The following FN3KRP variants were observed in gnomAD, a reference collection of about 807,000 sequenced individuals.
The protein encoded by FN3KRP is ketosamine-3-kinase.
In FN3KRP, 33 loss-of-function variants were observed where a neutral mutation model predicts 29.8. The ratio of observed to expected loss-of-function variants is 1.11; its 90% CI spans 0.84 to 1.48. The LOEUF is 1.48. Among genes scored for constraint, FN3KRP ranks in the 40% most tolerant of loss-of-function variants. The probability of loss-of-function intolerance (pLI) is 0.00; values close to 1 mark genes in which losing one functional copy is unlikely to be tolerated. For synonymous variants in FN3KRP, 157 were observed against 155.2 expected (o/e 1.01, Z -0.09); for missense variants, 430 against 402.6 (o/e 1.07, Z -0.58).
At position 82,726,878 on chromosome 17, in the gene FN3KRP, T is replaced by G; in HGVS notation, c.637T>G (p.Leu213Val). 1 of 1,577,936 alleles carries G rather than the reference T, an allele frequency of 6.3e-7. No individual in the cohort carries two copies. Among genetic ancestry groups the G allele is most frequent in the Non-Finnish European group, 8.6e-7 (1 of 1,162,262 alleles). The change falls in exon 6 of 6, where the codon TTA (leucine) becomes GTA (valine). Residue 213 changes from leucine to valine, a missense_variant. Coordinates refer to ENST00000269373, the MANE Select transcript of FN3KRP (RefSeq NM_024619.4). ...CCGTGACCTGGAGATCATCCCAGCCTTACTCCACGGGGACCTCTGGGGTGG... is the reference window on the plus strand; with the variant it reads ...CCGTGACCTGGAGATCATCCCAGCCGTACTCCACGGGGACCTCTGGGGTGG... ...LFRDLEIIPA[L>V]LHGDLWGGNV... is the part of the protein sequence containing the mutation.
chr17:82,726,946 A>C lies in FN3KRP; in HGVS notation c.705A>C (p.Pro235=), dbSNP rs1312814139. Residue 235 remains proline, a synonymous_variant, in exon 6 of 6, where the codon CCA becomes CCC. Transcript: ENST00000269373. ...CCTCTGGGCCGGTGATTTTTGACCC[A>C]GCTTCTTTCTACGGCCACTCGGAAT... ...EDSSGPVIFD[P]ASFYGHSEYE... is the part of the protein sequence containing the mutation. 7.4e-6 allele frequency: 12 copies of C among 1,613,168 alleles called. No individual in the cohort carries two copies. The East Asian group carries it at 2.7e-4, about 36-fold the overall frequency.
At chr17:82,718,025 G>A (rs2046771056) in intron 1 of FN3KRP, among the ~76,000 whole-genome samples, 2 of 151,324 alleles carry the variant, frequency 1.3e-5, no homozygotes. Flanking sequence ...AAGAAAGGCC[G>A]CTGGCCCTGA....
rs768478911 is a variant in FN3KRP, at chr17:82,716,747, G to A, written c.-9G>A. Reference sequence around the variant, plus strand: ...AGATCCGGGGCGGGTCCGCGGCCGCGGCGGGAACATGGAGGAGCTCCTGAG... The same window carrying A: ...AGATCCGGGGCGGGTCCGCGGCCGCAGCGGGAACATGGAGGAGCTCCTGAG... On this transcript the variant is annotated 5_prime_UTR_variant, in exon 1 of 6. Transcript: ENST00000269373. The A allele has an allele frequency of 6.7e-7, 1 of 1,487,434 alleles. No individual in the cohort carries two copies. Among genetic ancestry groups the A allele is most frequent in the Non-Finnish European group, 8.9e-7 (1 of 1,124,890 alleles). The allele number at this position is 1,487,434 out of a possible 1,614,324, so 92.1% of individuals were successfully genotyped here. A position where few individuals can be genotyped will look rare whatever the true frequency, so the allele number is the denominator to read the frequency against.
rs1296886696 is a variant in FN3KRP at position 82,722,811 on chromosome 17, A to C, written c.393A>C (p.Gly131=). 4.3e-6 allele frequency: 7 copies of C among 1,613,642 alleles called. No homozygotes were observed. Among genetic ancestry groups the C allele is most frequent in the Non-Finnish European group, 5.9e-6 (7 of 1,179,962 alleles). ...TTTACTTTTGCTTGCAAGGGAGAGG[A>C]GGTGGGCAGGAGGAACGGCCCTTTG... ...RLKEAGTVGR[G]GGQEERPFVA... Residue 131 remains glycine, a synonymous_variant, in exon 4 of 6, where the codon GGA becomes GGC. Coordinates refer to ENST00000269373, the MANE Select transcript of FN3KRP (RefSeq NM_024619.4).
chr17:82,719,200 T>A, intron 2 of FN3KRP, 143 bp downstream of exon 2: 1 of 741,812 alleles, frequency 1.3e-6, no homozygotes, highest in Non-Finnish European at 2.2e-6. Context: ...ACCCCCCAGC[T>A]GGCTTCATGC....
intron 4 of FN3KRP, among the ~76,000 whole-genome samples, chr17:82,723,460 G>A (rs1022275760): frequency 1.3e-5 from 2 of 152,112 alleles, no homozygotes; most frequent in African/African-American, 2.4e-5. Flanking sequence ...GGGGGTTTTC[G>A]CCAGCTCCGC....
At position 82,727,493 on chromosome 17, in the gene FN3KRP, C is replaced by T. The variant is rs535519039; in HGVS notation, c.*322C>T. 1.4e-4 allele frequency: 36 copies of T among 252,670 alleles called. No homozygotes were observed. The highest frequency in any genetic ancestry group is 2.4e-4 in the East Asian group (3 of 12,454). 15.7% of individuals were successfully genotyped at this position (252,670 alleles called of 1,614,324 possible). On this transcript the variant is annotated 3_prime_UTR_variant, in exon 6 of 6. Coordinates refer to ENST00000269373, the MANE Select transcript of FN3KRP (RefSeq NM_024619.4). Reference sequence around the variant, plus strand: ...CCCTGTGGGTGCGGGGGAGGGTATCCGGTGCGCAGGGAGGTGGCCAGCGCC... The same window carrying T: ...CCCTGTGGGTGCGGGGGAGGGTATCTGGTGCGCAGGGAGGTGGCCAGCGCC...
chr17:82,726,814 T>G lies in FN3KRP; in HGVS notation c.592-19T>G. The G allele has an allele frequency of 6.6e-7, 1 of 1,522,970 alleles. No homozygotes were observed. Among genetic ancestry groups the G allele is most frequent in the Non-Finnish European group, 8.8e-7 (1 of 1,137,526 alleles). The allele number at this position is 1,522,970 out of a possible 1,614,324, so 94.3% of individuals were successfully genotyped here. On this transcript the variant is annotated intron_variant, in intron 5 of 5. Transcript: ENST00000269373. ...CACGCGTTGATCAATTTGCTGAGGC[T>G]CCATTTTCCTCCCTGCAGTTAAAGA... is the stretch of plus-strand genomic sequence containing the variant.
rs1465376215 is a variant in FN3KRP at position 82,722,966 on chromosome 17, C to G, written c.468+80C>G. On this transcript the variant is annotated intron_variant, in intron 4 of 5. Coordinates refer to ENST00000269373, the MANE Select transcript of FN3KRP (RefSeq NM_024619.4). ...CGGGTTGGGGGGACACACCCCCCTC[C>G]TTTTTTTGTGAGCTTCAGTAAAAGT... is the stretch of plus-strand genomic sequence containing the variant. The G allele has an allele frequency of 2.4e-6, 3 of 1,264,026 alleles. No individual in the cohort carries two copies. In the Admixed American group the frequency reaches 6.7e-5, roughly 28 times the overall value. The allele number at this position is 1,264,026 out of a possible 1,614,324, so 78.3% of individuals were successfully genotyped here.
chr17:82,717,143 C>G (rs929932102), intron 1 of FN3KRP, among the ~76,000 whole-genome samples: 1 of 152,072 alleles, frequency 6.6e-6, no homozygotes, highest in African/African-American at 2.4e-5. Context: ...GAACCGCGGC[C>G]GCCCCACACC....
Position 82,719,058 on chromosome 17 carries a change from G to A in FN3KRP, c.293+1G>A. The A allele has an allele frequency of 6.4e-7, 1 of 1,569,336 alleles. No individual in the cohort carries two copies. The highest frequency in any genetic ancestry group is 8.6e-7 in the Non-Finnish European group (1 of 1,163,628). On this transcript the variant is annotated splice_donor_variant, in intron 2 of 5. Transcript: ENST00000269373. LOFTEE classifies it high-confidence loss of function. ...ACATGGACATGAGGCATCTGAGCAG[G>A]TGCATCTTCACACCACCCCCCACCT...
intron 3 of FN3KRP, chr17:82,720,915 T>A (rs2046794119): frequency 6.5e-6 from 1 of 152,870 alleles, no homozygotes. Context: ...AGACATGCTG[T>A]TAGTCTGTTC....
At chr17:82,726,367 C>G in intron 4 of FN3KRP, 113 bp from the exon 5 acceptor site, 1 of 1,375,196 alleles carries the variant, frequency 7.3e-7, no homozygotes. Context: ...ACTGCCACCC[C>G]TCCCACGTGC....
chr17:82,727,910 TC>T lies in FN3KRP; in HGVS notation c.*741del. 1 of 152,318 alleles carries T rather than the reference TC, an allele frequency of 6.6e-6. No homozygotes were observed. 9.4% of individuals were successfully genotyped at this position (152,318 alleles called of 1,614,324 possible). ...AAAATACATGCTGAACTCATATTTT[TC>T]CTTCCTTCACTGTTGTAGTAAAGAG... On this transcript the variant is annotated 3_prime_UTR_variant, in exon 6 of 6. Transcript: ENST00000269373.
chr17:82,718,578 C>T (rs2046776170), intron 1 of FN3KRP: 1 of 1,081,478 alleles, frequency 9.2e-7, no homozygotes, highest in South Asian at 3.0e-5. Context: ...ACAGGTAACC[C>T]ATGTTCACAG....
At chr17:82,725,209 C>G (rs1239768082) in intron 4 of FN3KRP, among the ~76,000 whole-genome samples, 1 of 151,912 alleles carries the variant, frequency 6.6e-6, no homozygotes, top group Non-Finnish European at 1.5e-5. Context: ...CTCACTGCAG[C>G]CTCAAACTTT....
chr17:82,716,834 CAG>C lies in FN3KRP; in HGVS notation c.80_81del (p.Gln27ArgfsTer26). 6.4e-7 allele frequency: 1 copy of C among 1,559,130 alleles called. No homozygotes were observed. The highest frequency in any genetic ancestry group is 8.6e-7 in the Non-Finnish European group (1 of 1,157,774). On this transcript the variant is annotated frameshift_variant, in exon 1 of 6. Coordinates refer to ENST00000269373, the MANE Select transcript of FN3KRP (RefSeq NM_024619.4). LOFTEE classifies it high-confidence loss of function. ...TGHSGGGCIS[Q>X]GRSYDTDQGR... ...CCACTCGGGGGGCGGGTGCATCAGCCAGGGCCGGAGCTACGACACGGATCAAG... is the reference window on the plus strand; with the variant it reads ...CCACTCGGGGGGCGGGTGCATCAGCCGGCCGGAGCTACGACACGGATCAAG...
chr17:82,716,921 G>T, intron 1 of FN3KRP, 25 bp downstream of exon 1: 1 of 1,559,748 alleles, frequency 6.4e-7, no homozygotes, highest in South Asian at 1.2e-5. Context: ...CGGGCGGGCC[G>T]GGGGACCGGT....
chr17:82,716,712 A>C lies in FN3KRP; in HGVS notation c.-44A>C. ...TTGCCCGCTCGGCCGCCGTCTCTCG[A>C]GTCTCCGCCAGATCCGGGGCGGGTC... On this transcript the variant is annotated 5_prime_UTR_variant, in exon 1 of 6. Transcript: ENST00000269373. 6.9e-7 allele frequency: 1 copy of C among 1,441,448 alleles called. No homozygotes were observed. Among genetic ancestry groups the C allele is most frequent in the Admixed American group, 3.4e-5 (1 of 29,336 alleles). 89.3% of individuals were successfully genotyped at this position (1,441,448 alleles called of 1,614,324 possible).
Sources: gnomAD v4.1 joint callset for allele counts (sites outside exome capture counted in the v4.1 genomes callset) on GRCh38, gnomAD v4.1.1 for gene constraint, MANE v1.5 for transcripts, NCBI Gene and HGNC (gene_info 2026-07-23, HGNC 2026-07-21) for gene names.